Variants in KIRREL1 observed in about 807,000 individuals in gnomAD.
KIRREL1 encodes kin of IRRE-like protein 1.
In KIRREL1, 25 loss-of-function variants were observed where a neutral mutation model predicts 83.3. The observed-to-expected ratio is 0.30, with a 90% CI of 0.22 to 0.42. The LOEUF is 0.42. Ranked by LOEUF, KIRREL1 falls within the 10% of genes least tolerant of loss-of-function variation. The pLI is 1.00. For missense variants in KIRREL1, 812 were observed against 1,032.3 expected, an observed-to-expected ratio of 0.79 and a Z score of 2.92; for synonymous variants, 388 against 410.4, an observed-to-expected ratio of 0.95 and a Z score of 0.66.
chr1:158,038,296 G>C (rs561157603), intron 1 of KIRREL1, among the ~76,000 whole-genome samples: 1 of 152,290 alleles, frequency 6.6e-6, no homozygotes, highest in Admixed American at 6.5e-5. Flanking sequence ...GACCTGGTAG[G>C]GGTCACTGTA....
At chr1:158,087,947 T>C in intron 6 of KIRREL1, 59 bp from the exon 7 acceptor site, 1 of 1,610,328 alleles carries the variant, frequency 6.2e-7, no homozygotes. Flanking sequence ...CCAGGTGTCA[T>C]GGATGTAGTT....
At position 158,096,824 on chromosome 1, in the gene KIRREL1, C is replaced by T. The variant is rs150330822; in HGVS notation, c.*1704C>T. The stretch of plus-strand genomic sequence containing the variant: ...CGCCTCCCCAGCTGCATGTCCAGCC[C>T]AGTGGGAGACAGGGCCTCTGGTGCA... On this transcript the variant is annotated 3_prime_UTR_variant, in exon 15 of 15. Coordinates refer to ENST00000359209, the MANE Select transcript of KIRREL1 (RefSeq NM_018240.7). 18 of 456,690 alleles carry T rather than the reference C, an allele frequency of 3.9e-5. No individual in the cohort carries two copies. Among genetic ancestry groups the T allele is most frequent in the Non-Finnish European group, 7.9e-5 (18 of 226,972 alleles). 28.3% of individuals were successfully genotyped at this position (456,690 alleles called of 1,614,324 possible).
intron 1 of KIRREL1, among the ~76,000 whole-genome samples, chr1:158,011,388 C>T (rs1019879966): frequency 6.6e-6 from 1 of 152,208 alleles, no homozygotes; most frequent in African/African-American, 2.4e-5. Flanking sequence ...AGGCCTCTTC[C>T]TCATCTGTAA....
intron 2 of KIRREL1, among the ~76,000 whole-genome samples, chr1:158,077,654 T>A (rs901636867): frequency 2.6e-5 from 4 of 152,214 alleles, no homozygotes; most frequent in African/African-American, 9.6e-5. Flanking sequence ...ACACTCGCTC[T>A]CCCTCTCTCC....
At chr1:158,014,993 C>T (rs2101643331) in intron 1 of KIRREL1, among the ~76,000 whole-genome samples, 1 of 152,264 alleles carries the variant, frequency 6.6e-6, no homozygotes, top group African/African-American at 2.4e-5. Flanking sequence ...TTAATCTTCC[C>T]AAGCCTCAGG....
At chr1:158,072,610 C>A (rs914807711) in intron 1 of KIRREL1, among the ~76,000 whole-genome samples, 3 of 151,948 alleles carry the variant, frequency 2.0e-5, no homozygotes, top group Admixed American at 6.5e-5. Context: ...AGTGTCCACC[C>A]CAGGGAAAGG....
At chr1:158,017,105 C>T (rs1659846836) in intron 1 of KIRREL1, among the ~76,000 whole-genome samples, 1 of 152,218 alleles carries the variant, frequency 6.6e-6, no homozygotes, top group African/African-American at 2.4e-5. Context: ...TGTCAAGTCC[C>T]TGCGAGCTCC....
In KIRREL1 at chr1:158,096,532, GAGGGGACCTGGAGAGGTA is replaced by G; in HGVS notation, c.*1418_*1435del. On this transcript the variant is annotated 3_prime_UTR_variant, in exon 15 of 15. Coordinates refer to ENST00000359209, the MANE Select transcript of KIRREL1 (RefSeq NM_018240.7). ...TTACAGTGTTAGGAGAGAGATGGGT[GAGGGGACCTGGAGAGGTA>G]AGGGGCCTGGAAATGGCCCTGACAG... is the stretch of plus-strand genomic sequence containing the variant. 1 of 456,520 alleles carries G rather than the reference GAGGGGACCTGGAGAGGTA, an allele frequency of 2.2e-6. No homozygotes were observed. The highest frequency in any genetic ancestry group is 4.4e-6 in the Non-Finnish European group (1 of 226,650). 28.3% of individuals were successfully genotyped at this position (456,520 alleles called of 1,614,324 possible). A position where few individuals can be genotyped will look rare whatever the true frequency, so the allele number is the denominator to read the frequency against.
At chr1:158,037,348 C>A (rs946946336) in intron 1 of KIRREL1, among the ~76,000 whole-genome samples, 1 of 152,102 alleles carries the variant, frequency 6.6e-6, no homozygotes, top group African/African-American at 2.4e-5. Context: ...CAAAAATTAG[C>A]TGGGCGTGGT....
chr1:158,086,291 G>A (rs1421229709), intron 4 of KIRREL1, among the ~76,000 whole-genome samples: 1 of 152,118 alleles, frequency 6.6e-6, no homozygotes, highest in Admixed American at 6.6e-5. Flanking sequence ...CACTCCTGTA[G>A]TCGCTGCTAC....
chr1:158,083,750 T>TG (rs1406806189), intron 3 of KIRREL1, among the ~76,000 whole-genome samples: 1 of 152,180 alleles, frequency 6.6e-6, no homozygotes, highest in Non-Finnish European at 1.5e-5. Flanking sequence ...CCCAAGACTA[T>TG]GAGCTGTACT....
At chr1:158,052,642 C>T (rs1038594427) in intron 1 of KIRREL1, among the ~76,000 whole-genome samples, 67 of 151,528 alleles carry the variant, frequency 4.4e-4, no homozygotes, top group Non-Finnish European at 7.5e-4. Flanking sequence ...AAAAAATAGC[C>T]GGGCGTGGTG....
chr1:158,068,049 C>A (rs762931844), intron 1 of KIRREL1, among the ~76,000 whole-genome samples: 2 of 152,180 alleles, frequency 1.3e-5, no homozygotes, highest in Non-Finnish European at 2.9e-5. Flanking sequence ...GAGATTGATT[C>A]TTCTGTCCAT....
At chr1:158,036,514 A>T (rs1660479976) in intron 1 of KIRREL1, among the ~76,000 whole-genome samples, 1 of 152,210 alleles carries the variant, frequency 6.6e-6, no homozygotes, top group African/African-American at 2.4e-5. Context: ...AATGAGAGCA[A>T]TTCGAGAGGG....
At chr1:158,034,322 C>T (rs1660416851) in intron 1 of KIRREL1, among the ~76,000 whole-genome samples, 1 of 151,644 alleles carries the variant, frequency 6.6e-6, no homozygotes, top group Non-Finnish European at 1.5e-5. Flanking sequence ...TTATCCTTCT[C>T]CTCTTTGATT....
intron 1 of KIRREL1, among the ~76,000 whole-genome samples, chr1:158,009,884 A>G (rs1659622498): frequency 2.0e-5 from 3 of 152,118 alleles, no homozygotes. Context: ...GCAACTTCTG[A>G]CTCAGCTTCT....
At chr1:158,031,259 A>G (rs182138513) in intron 1 of KIRREL1, 1 of 152,294 alleles carries the variant, frequency 6.6e-6, no homozygotes, top group African/African-American at 2.4e-5. Flanking sequence ...ATATCAAATA[A>G]TAACTAGGAA....
chr1:158,071,988 G>A (rs1173829859), intron 1 of KIRREL1, among the ~76,000 whole-genome samples: 5 of 152,220 alleles, frequency 3.3e-5, no homozygotes, highest in East Asian at 3.9e-4. Context: ...TGCCCTGTCC[G>A]AGGCCTGCAC....
chr1:158,085,723 T>C (rs1007395068), intron 4 of KIRREL1, among the ~76,000 whole-genome samples: 3 of 152,200 alleles, frequency 2.0e-5, no homozygotes, highest in African/African-American at 7.2e-5. Context: ...CTTTGATTAA[T>C]AATATGGCTT....
Sources: allele counts gnomAD v4.1 joint callset (sites outside exome capture counted in the v4.1 genomes callset), GRCh38; gene constraint gnomAD v4.1.1; transcripts MANE v1.5; gene names NCBI Gene and HGNC (gene_info 2026-07-23, HGNC 2026-07-21).